TNR: variants seen among roughly 807,000 people sequenced by gnomAD.
TNR encodes tenascin-R.
In TNR, 45 loss-of-function variants were observed where a neutral mutation model predicts 150.4. The ratio of observed to expected loss-of-function variants is 0.30; its 90% CI spans 0.24 to 0.38. The LOEUF is 0.38. TNR is among the 10% of genes least tolerant of loss of function. The probability of loss-of-function intolerance (pLI) is 1.00; values close to 1 mark genes in which losing one functional copy is unlikely to be tolerated. For missense variants in TNR, 1,544 were observed against 1,759.1 expected (o/e 0.88, Z 2.19); for synonymous variants, 687 against 678.4 (o/e 1.01, Z -0.20).
At chr1:175,516,041 T>A (rs1367822571) in intron 2 of TNR, among the ~76,000 whole-genome samples, 1 of 152,200 alleles carries the variant, frequency 6.6e-6, no homozygotes, top group Non-Finnish European at 1.5e-5. Context: ...ATATCCAATT[T>A]TATATTGTTG....
intron 1 of TNR, among the ~76,000 whole-genome samples, chr1:175,676,580 G>C (rs149256554): frequency 6.6e-6 from 1 of 152,158 alleles, no homozygotes; most frequent in Non-Finnish European, 1.5e-5. Context: ...AAAAGAGATT[G>C]GGGATGAGGA....
intron 1 of TNR, among the ~76,000 whole-genome samples, chr1:175,677,929 CA>C (rs929813148): frequency 1.3e-5 from 2 of 151,640 alleles, no homozygotes; most frequent in African/African-American, 2.4e-5. Flanking sequence ...AAAGAGAAGC[CA>C]GGGGGCTAGG....
intron 18 of TNR, among the ~76,000 whole-genome samples, chr1:175,350,758 A>T (rs1184835976): frequency 1.3e-5 from 2 of 152,110 alleles, no homozygotes; most frequent in Non-Finnish European, 2.9e-5. Context: ...TTTTATTATT[A>T]CTTTTTGACA....
chr1:175,464,144 A>G (rs1656932154), intron 2 of TNR, among the ~76,000 whole-genome samples: 1 of 152,268 alleles, frequency 6.6e-6, no homozygotes, highest in South Asian at 2.1e-4. Context: ...CTTAATAGAA[A>G]GCCTTGAACT....
At chr1:175,574,496 A>G (rs1228851717) in intron 1 of TNR, among the ~76,000 whole-genome samples, 1 of 152,226 alleles carries the variant, frequency 6.6e-6, no homozygotes, top group African/African-American at 2.4e-5. Flanking sequence ...TGCATCAAAC[A>G]TGACACTGAT....
At chr1:175,432,195 A>G (rs986508131) in intron 2 of TNR, among the ~76,000 whole-genome samples, 1 of 152,132 alleles carries the variant, frequency 6.6e-6, no homozygotes, top group Non-Finnish European at 1.5e-5. Context: ...GTGAATGGCA[A>G]CATCGACCCT....
intron 1 of TNR, among the ~76,000 whole-genome samples, chr1:175,629,001 G>A (rs1159821147): frequency 6.6e-6 from 1 of 152,210 alleles, no homozygotes; most frequent in African/African-American, 2.4e-5. Context: ...CAGGGCTGGA[G>A]TGTAATAGCC....
At chr1:175,618,366 A>G (rs539423953) in intron 1 of TNR, among the ~76,000 whole-genome samples, 42 of 152,358 alleles carry the variant, frequency 2.8e-4, no homozygotes, top group African/African-American at 9.1e-4. Context: ...AGAGAAACCT[A>G]GAATACAAAT....
At chr1:175,671,662 C>T (rs1005504005) in intron 1 of TNR, among the ~76,000 whole-genome samples, 1 of 152,142 alleles carries the variant, frequency 6.6e-6, no homozygotes, top group Non-Finnish European at 1.5e-5. Context: ...GTGTGGGATA[C>T]ACTTATACTT....
chr1:175,586,473 G>A (rs570225824), intron 1 of TNR, among the ~76,000 whole-genome samples: 1 of 152,190 alleles, frequency 6.6e-6, no homozygotes, highest in East Asian at 1.9e-4. Context: ...GCTAATTTTT[G>A]TGTTTTTAGT....
intron 1 of TNR, among the ~76,000 whole-genome samples, chr1:175,557,350 C>T (rs1478090510): frequency 1.3e-5 from 2 of 152,152 alleles, no homozygotes; most frequent in East Asian, 3.8e-4. Flanking sequence ...TAATATTACT[C>T]ACAGCAATAA....
chr1:175,417,516 G>C (rs560455293), intron 2 of TNR, among the ~76,000 whole-genome samples: 1 of 152,108 alleles, frequency 6.6e-6, no homozygotes, highest in South Asian at 2.1e-4. Context: ...GGGACTGGTC[G>C]CATATTAACG....
chr1:175,521,265 C>G (rs78376925), intron 2 of TNR, among the ~76,000 whole-genome samples: 1,961 of 152,312 alleles, frequency 0.013, 55 homozygotes, highest in African/African-American at 0.045. Flanking sequence ...GAACCTCCAG[C>G]TAATGAAGCC....
rs191799114 is a variant in TNR, at chr1:175,582,626, T to C, written c.-164-54257A>G. 4.3e-4 allele frequency among the ~76,000 whole-genome samples: 66 copies of C among 152,280 alleles called. 1 individual carries two copies. The highest frequency in any genetic ancestry group is 8.5e-4 in the Admixed American group (13 of 15,312). On this transcript the variant is annotated intron_variant, in intron 1 of 22. Transcript: ENST00000367674. ...TCCACATAGTGAGCCAAGAGGCCTT[T>C]ACCATGCTTCTTGCCTGGACTAGTA...
intron 15 of TNR, among the ~76,000 whole-genome samples, 164 bp from the exon 16 acceptor site, chr1:175,356,626 CTCTCA>C (rs1039478562): frequency 6.6e-6 from 1 of 151,866 alleles, no homozygotes; most frequent in Admixed American, 6.6e-5. Context: ...AAGGATTCCC[CTCTCA>C]TCTCATATCA....
intron 2 of TNR, among the ~76,000 whole-genome samples, chr1:175,486,471 C>T (rs1401179032): frequency 6.6e-6 from 1 of 152,194 alleles, no homozygotes; most frequent in Non-Finnish European, 1.5e-5. Context: ...TTTTTTATGG[C>T]TGCATAGTAT....
intron 1 of TNR, among the ~76,000 whole-genome samples, chr1:175,565,006 T>C (rs908740168): frequency 6.6e-6 from 1 of 152,250 alleles, no homozygotes; most frequent in African/African-American, 2.4e-5. Flanking sequence ...CCCAAGGGAC[T>C]GCCATAAACC....
intron 1 of TNR, among the ~76,000 whole-genome samples, chr1:175,620,725 C>A (rs1663943543): frequency 6.6e-6 from 1 of 152,148 alleles, no homozygotes; most frequent in South Asian, 2.1e-4. Flanking sequence ...GGGCTGGCCT[C>A]TGGTGTCCAG....
chr1:175,480,023 C>A (rs567993348), intron 2 of TNR, among the ~76,000 whole-genome samples: 1 of 152,126 alleles, frequency 6.6e-6, no homozygotes, highest in South Asian at 2.1e-4. Flanking sequence ...GGAGAAGGAG[C>A]AGAGGGAGGA....
Sources: allele counts gnomAD v4.1 joint callset (sites outside exome capture counted in the v4.1 genomes callset), GRCh38; gene constraint gnomAD v4.1.1; transcripts MANE v1.5; gene names NCBI Gene and HGNC (gene_info 2026-07-23, HGNC 2026-07-21).